The following MDH1B variants were observed in gnomAD, a reference collection of about 807,000 sequenced individuals.
The protein encoded by MDH1B is putative malate dehydrogenase 1B.
Under a neutral mutation model 61.4 loss-of-function variants are expected in MDH1B, and 60 were observed. The ratio of observed to expected loss-of-function variants is 0.98; its 90% confidence interval spans 0.79 to 1.21. MDH1B has a LOEUF of 1.21. Ranked by LOEUF, MDH1B falls within the 50% of genes most tolerant of loss-of-function variation. The pLI is 0.00. For synonymous variants in MDH1B, 236 were observed against 218.7 expected (o/e 1.08, Z -0.70); for missense variants, 587 against 632.1 (o/e 0.93, Z 0.76).
intron 1 of MDH1B, among the ~76,000 whole-genome samples, chr2:206,763,430 T>C (rs1173702318): frequency 6.6e-6 from 1 of 152,162 alleles, no homozygotes; most frequent in Non-Finnish European, 1.5e-5. Context: ...TTTGCCACTC[T>C]AGGCCAGGTC....
intron 10 of MDH1B, among the ~76,000 whole-genome samples, chr2:206,740,415 T>C (rs1687742742): frequency 6.6e-6 from 1 of 152,164 alleles, no homozygotes; most frequent in Non-Finnish European, 1.5e-5. Flanking sequence ...TAAGGTTCTT[T>C]ATCCTCATTT....
Position 206,765,272 on chromosome 2 carries a change from G to A in MDH1B, c.-1C>T, listed in dbSNP as rs746008965. ...CACCCGCGATGACGAATTTGGCCAT[G>A]GTCGAGAGAGACTCAGAGGCAGGGA... On this transcript the variant is annotated 5_prime_UTR_variant, in exon 1 of 12. Coordinates refer to ENST00000374412, the MANE Select transcript of MDH1B (RefSeq NM_001039845.3). 6.2e-7 allele frequency: 1 copy of A among 1,601,350 alleles called. No individual in the cohort carries two copies. Among genetic ancestry groups the A allele is most frequent in the South Asian group, 1.1e-5 (1 of 89,340 alleles).
chr2:206,752,413 A>G (rs2105936460), intron 5 of MDH1B, among the ~76,000 whole-genome samples: 1 of 152,142 alleles, frequency 6.6e-6, no homozygotes, highest in East Asian at 1.9e-4. Flanking sequence ...ATCACTGTCT[A>G]CCTTTGTCCT....
chr2:206,745,338 C>T (rs1236458712), intron 9 of MDH1B: 3 of 554,176 alleles, frequency 5.4e-6, no homozygotes, highest in Admixed American at 2.2e-5. Flanking sequence ...GTTTTTAAGC[C>T]ATCCACTTTG....
chr2:206,764,294 T>C (rs1689291917), intron 1 of MDH1B, among the ~76,000 whole-genome samples: 1 of 138,936 alleles, frequency 7.2e-6, no homozygotes, highest in South Asian at 2.7e-4. Flanking sequence ...TGAGAGCCTG[T>C]CTCAAAAAAA....
Position 206,738,468 on chromosome 2 carries a change from A to G in MDH1B, c.*15T>C, listed in dbSNP as rs754770102. On this transcript the variant is annotated 3_prime_UTR_variant, in exon 12 of 12. Coordinates refer to ENST00000374412, the MANE Select transcript of MDH1B (RefSeq NM_001039845.3). ...GTGCTATCAAGTAATTATATATTTC[A>G]TCCAATTTGATCTGTTAGGATTCCA... 233 of 1,552,014 alleles carry G rather than the reference A, an allele frequency of 1.5e-4. 1 individual carries two copies. Among genetic ancestry groups the G allele is most frequent in the Non-Finnish European group, 4.0e-5 (45 of 1,135,620 alleles).
chr2:206,738,545 T>A (rs1687617350), intron 11 of MDH1B, 34 bp from the exon 12 acceptor site: 1 of 1,520,498 alleles, frequency 6.6e-7, no homozygotes, highest in Non-Finnish European at 9.0e-7. Flanking sequence ...GACATAACTA[T>A]TTCCAAAATA....
chr2:206,753,059 C>G (rs571435307), intron 5 of MDH1B, among the ~76,000 whole-genome samples: 16 of 151,906 alleles, frequency 1.1e-4, no homozygotes, highest in Non-Finnish European at 1.9e-4. Flanking sequence ...TCCTGGGGTA[C>G]GTAAACTACA....
At chr2:206,738,950 G>T (rs1036165382) in intron 11 of MDH1B, among the ~76,000 whole-genome samples, 1 of 151,320 alleles carries the variant, frequency 6.6e-6, no homozygotes, top group African/African-American at 2.4e-5. Flanking sequence ...TAAAAGGGTG[G>T]GGGCTTGGGT....
chr2:206,750,465 A>G (rs1221163838), intron 6 of MDH1B, among the ~76,000 whole-genome samples: 1 of 151,110 alleles, frequency 6.6e-6, no homozygotes, highest in African/African-American at 2.4e-5. Flanking sequence ...CACAGCTACT[A>G]AGTGGCTAAG....
chr2:206,757,303 C>T lies in MDH1B; in HGVS notation c.204G>A (p.Glu68=), dbSNP rs1559347345. 3 of 1,613,962 alleles carry T rather than the reference C, an allele frequency of 1.9e-6. No individual in the cohort carries two copies. The highest frequency in any genetic ancestry group is 2.2e-5 in the South Asian group (2 of 91,076). Residue 68 remains glutamate, a synonymous_variant, in exon 3 of 12, where the codon GAG becomes GAA. Coordinates refer to ENST00000374412, the MANE Select transcript of MDH1B (RefSeq NM_001039845.3). ...AACCCTTTCCTCCACGATCCAACAG[C>T]TCTCTCCAGATGATAGGGGAATTCT... is the stretch of plus-strand genomic sequence containing the variant. ...SHKNSPIIWR[E]LLDRGGKGLL...
intron 9 of MDH1B, among the ~76,000 whole-genome samples, chr2:206,743,897 T>A (rs1008832815): frequency 1.3e-5 from 2 of 152,158 alleles, no homozygotes; most frequent in African/African-American, 4.8e-5. Context: ...ATCCTAAATA[T>A]CTCTCAAATT....
chr2:206,753,718 T>G (rs541263075), intron 5 of MDH1B, among the ~76,000 whole-genome samples: 1 of 152,354 alleles, frequency 6.6e-6, no homozygotes, highest in East Asian at 1.9e-4. Context: ...ACTCTGTCCC[T>G]CTAATGCCTT....
At position 206,755,291 on chromosome 2, in the gene MDH1B, C is replaced by T. The variant is rs139395839; in HGVS notation, c.628G>A (p.Val210Ile). The T allele has an allele frequency of 2.1e-4, 345 of 1,614,192 alleles. 3 individuals are homozygous for T. The highest frequency in any genetic ancestry group is 3.5e-4 in the South Asian group (32 of 91,084). The change falls in exon 5 of 12, where the codon GTC becomes ATC. Residue 210 changes from valine to isoleucine, a missense_variant. Coordinates refer to ENST00000374412, the MANE Select transcript of MDH1B (RefSeq NM_001039845.3). ...GTGCTGTCATCCAGCACCACAATGA[C>T]GTGGGCCTGGCGGAAGGCCTCCTCC... Reference protein sequence around the residue: ...KVEEAFRQAHVIVVLDDSTNK... With the variant: ...KVEEAFRQAHIIVVLDDSTNK...
chr2:206,743,648 T>C (rs113803668), intron 9 of MDH1B, among the ~76,000 whole-genome samples: 5 of 152,206 alleles, frequency 3.3e-5, no homozygotes, highest in African/African-American at 1.2e-4. Flanking sequence ...TATTTCAGAA[T>C]CAAAATGTAA....
intron 9 of MDH1B, among the ~76,000 whole-genome samples, chr2:206,742,711 A>AT (rs59584383): frequency 0.028 from 2,767 of 97,194 alleles, 102 homozygotes; most frequent in Non-Finnish European, 0.041. Context: ...TGATGTCTCT[A>AT]TTTTTTTTTT....
chr2:206,756,642 T>C, intron 4 of MDH1B: 1 of 420,534 alleles, frequency 2.4e-6, no homozygotes, highest in South Asian at 3.3e-5. Context: ...AAAGCAGCCA[T>C]GCTATAGAGT....
Position 206,745,637 on chromosome 2 carries a change from GA to G in MDH1B, c.1392del (p.Gln465SerfsTer18), listed in dbSNP as rs1194270806. 1 of 1,610,430 alleles carries G rather than the reference GA, an allele frequency of 6.2e-7. No homozygotes were observed. Among genetic ancestry groups the G allele is most frequent in the Non-Finnish European group, 8.5e-7 (1 of 1,177,904 alleles). On this transcript the variant is annotated frameshift_variant, in exon 9 of 12. Coordinates refer to ENST00000374412, the MANE Select transcript of MDH1B (RefSeq NM_001039845.3). LOFTEE classifies it high-confidence loss of function. The stretch of plus-strand genomic sequence containing the variant: ...AAGAGCTTACCTGATTGGTATGGCT[GA>G]AAATGTATCTTGTCTCCAAGTGCAA... Reference protein sequence around the residue: ...KLVALGDKIHFQPYQSGHKDL... With the variant: ...KLVALGDKIHXQPYQSGHKDL...
At chr2:206,757,458 T>C (rs1688831505) in intron 2 of MDH1B, 87 bp from the exon 3 acceptor site, 1 of 1,352,854 alleles carries the variant, frequency 7.4e-7, no homozygotes, top group African/African-American at 1.4e-5. Context: ...ATTAAAATAC[T>C]AGGTTGCTTT....
Sources: allele counts gnomAD v4.1 joint callset (sites outside exome capture counted in the v4.1 genomes callset), GRCh38; gene constraint gnomAD v4.1.1; transcripts MANE v1.5; gene names NCBI Gene and HGNC (gene_info 2026-07-23, HGNC 2026-07-21).